The following TCERG1L variants were observed in gnomAD, a reference collection of about 807,000 sequenced individuals.
The protein encoded by TCERG1L is transcription elongation regulator 1-like protein.
A neutral mutation model predicts 56.3 loss-of-function variants in TCERG1L; 37 were observed. The observed-to-expected ratio is 0.66, with a 90% CI of 0.51 to 0.87. TCERG1L has a LOEUF of 0.87. Among genes scored for constraint, TCERG1L ranks in the 40% least tolerant of loss-of-function variants. The probability of loss-of-function intolerance (pLI) is 0.00; values close to 1 mark genes in which losing one functional copy is unlikely to be tolerated. For missense variants in TCERG1L, 799 were observed against 774.2 expected, an observed-to-expected ratio of 1.03 and a Z score of -0.38; for synonymous variants, 324 against 326.3, an observed-to-expected ratio of 0.99 and a Z score of 0.08.
At chr10:131,197,798 C>CA (rs1845383143) in intron 4 of TCERG1L, among the ~76,000 whole-genome samples, 2 of 152,016 alleles carry the variant, frequency 1.3e-5, no homozygotes, top group African/African-American at 2.4e-5. Context: ...CTTGAATGAG[C>CA]AAAAAATCAC....
chr10:131,254,936 T>TGGGAAGTGGA (rs1291724221), intron 4 of TCERG1L, among the ~76,000 whole-genome samples: 46 of 152,186 alleles, frequency 3.0e-4, no homozygotes, highest in African/African-American at 1.1e-3. Flanking sequence ...AGGGGTTCAT[T>TGGGAAGTGGA]GGGAAGTGGA....
chr10:131,135,718 C>T (rs1412639420), intron 7 of TCERG1L, among the ~76,000 whole-genome samples: 3 of 152,234 alleles, frequency 2.0e-5, no homozygotes, highest in Non-Finnish European at 4.4e-5. Context: ...ACCACAGAGG[C>T]TGCTGTAGCG....
At chr10:131,248,280 G>GAC (rs5789078) in intron 4 of TCERG1L, among the ~76,000 whole-genome samples, 7 of 151,166 alleles carry the variant, frequency 4.6e-5, no homozygotes, top group African/African-American at 1.5e-4. Flanking sequence ...ACACCCACAG[G>GAC]ACACACACAC....
intron 4 of TCERG1L, among the ~76,000 whole-genome samples, chr10:131,245,794 G>A (rs959893324): frequency 3.3e-5 from 5 of 152,174 alleles, no homozygotes; most frequent in African/African-American, 1.2e-4. Context: ...AAGTGCGCAC[G>A]GGGCCTTTGT....
At chr10:131,117,921 T>C (rs1319506929) in intron 8 of TCERG1L, among the ~76,000 whole-genome samples, 4 of 152,204 alleles carry the variant, frequency 2.6e-5, no homozygotes, top group Non-Finnish European at 5.9e-5. Flanking sequence ...GCCGTTCTTC[T>C]TGTGTCTGGC....
intron 6 of TCERG1L, among the ~76,000 whole-genome samples, chr10:131,153,730 C>A (rs1487080958): frequency 1.3e-5 from 2 of 152,176 alleles, no homozygotes; most frequent in African/African-American, 4.8e-5. Flanking sequence ...CAGCCAGCAC[C>A]CTGGAATGCC....
At chr10:131,137,585 C>G (rs988899505) in intron 7 of TCERG1L, among the ~76,000 whole-genome samples, 7 of 152,210 alleles carry the variant, frequency 4.6e-5, no homozygotes, top group African/African-American at 1.7e-4. Context: ...TCCACCCACA[C>G]CAGAACGTAC....
intron 9 of TCERG1L, among the ~76,000 whole-genome samples, chr10:131,115,709 G>A (rs11017734): frequency 0.49 from 74,000 of 152,024 alleles, 18,395 homozygotes; most frequent in South Asian, 0.62. Flanking sequence ...GCTTTGGAGG[G>A]GAGGTGTCCC....
chr10:131,153,708 C>T (rs935757799), intron 6 of TCERG1L, among the ~76,000 whole-genome samples: 19 of 152,174 alleles, frequency 1.2e-4, no homozygotes, highest in African/African-American at 3.4e-4. Context: ...AGGTGCATTC[C>T]GATGCTGGGA....
chr10:131,135,314 T>C (rs937881090), intron 7 of TCERG1L, among the ~76,000 whole-genome samples: 1 of 152,162 alleles, frequency 6.6e-6, no homozygotes, highest in African/African-American at 2.4e-5. Context: ...CCATCCAGCC[T>C]TGGGCCACCT....
intron 4 of TCERG1L, among the ~76,000 whole-genome samples, chr10:131,257,030 AAAG>A (rs1222712646): frequency 1.4e-4 from 20 of 148,086 alleles, no homozygotes; most frequent in African/African-American, 4.7e-4. Flanking sequence ...AGAAAGAAAG[AAAG>A]AAAGAAAGAA....
At chr10:131,285,954 G>C (rs1190507003) in intron 3 of TCERG1L, among the ~76,000 whole-genome samples, 2 of 152,154 alleles carry the variant, frequency 1.3e-5, no homozygotes, top group African/African-American at 2.4e-5. Flanking sequence ...TGAAGCATCT[G>C]CTCCAAAACA....
intron 6 of TCERG1L, among the ~76,000 whole-genome samples, chr10:131,148,782 C>A (rs1387567281): frequency 6.6e-6 from 1 of 151,850 alleles, no homozygotes; most frequent in Non-Finnish European, 1.5e-5. Context: ...CCTGCCCACA[C>A]CTTGACTTTC....
chr10:131,246,528 A>G (rs1463623630), intron 4 of TCERG1L, among the ~76,000 whole-genome samples: 1 of 152,068 alleles, frequency 6.6e-6, no homozygotes, highest in East Asian at 1.9e-4. Flanking sequence ...GAGAGGAGGC[A>G]TTTCCCAGTT....
intron 11 of TCERG1L, among the ~76,000 whole-genome samples, chr10:131,097,067 G>A (rs1469440663): frequency 6.6e-6 from 1 of 151,714 alleles, no homozygotes; most frequent in East Asian, 1.9e-4. Context: ...GTGCATGGTA[G>A]TGGGTGCCTG....
At chr10:131,261,377 T>G (rs1226218210) in intron 3 of TCERG1L, among the ~76,000 whole-genome samples, 4 of 152,234 alleles carry the variant, frequency 2.6e-5, no homozygotes, top group African/African-American at 9.6e-5. Context: ...ACTCTTGATC[T>G]GGCACGTCCT....
chr10:131,193,029 A>G (rs1845320026), intron 4 of TCERG1L, among the ~76,000 whole-genome samples: 1 of 152,158 alleles, frequency 6.6e-6, no homozygotes, highest in Non-Finnish European at 1.5e-5. Context: ...TAAATAAATA[A>G]ATAAATAAAT....
intron 4 of TCERG1L, among the ~76,000 whole-genome samples, chr10:131,182,445 T>G (rs960882704): frequency 6.6e-6 from 1 of 152,246 alleles, no homozygotes; most frequent in African/African-American, 2.4e-5. Flanking sequence ...AACATCCTCT[T>G]TGATAGAAAT....
At chr10:131,218,814 C>T (rs1845701206) in intron 4 of TCERG1L, among the ~76,000 whole-genome samples, 1 of 152,192 alleles carries the variant, frequency 6.6e-6, no homozygotes, top group South Asian at 2.1e-4. Context: ...GCTTGGCGAC[C>T]TCCATGTCCT....
Sources: gnomAD v4.1 joint callset for allele counts (sites outside exome capture counted in the v4.1 genomes callset) on GRCh38, gnomAD v4.1.1 for gene constraint, MANE v1.5 for transcripts, NCBI Gene and HGNC (gene_info 2026-07-23, HGNC 2026-07-21) for gene names.